The following HPSE2 variants were observed in gnomAD, a reference collection of about 807,000 sequenced individuals.
HPSE2 encodes the protein inactive heparanase-2.
HPSE2 carries 38 observed loss-of-function variants against 60.5 expected under a neutral mutation model. That is an observed-to-expected ratio of 0.63 (90% CI 0.48 to 0.82). The LOEUF (loss-of-function observed/expected upper bound fraction) is 0.82. Ranked by LOEUF, HPSE2 falls within the 40% of genes least tolerant of loss-of-function variation. HPSE2 has a pLI of 0.00. For missense variants in HPSE2, 713 were observed against 740.4 expected, an observed-to-expected ratio of 0.96 and a Z score of 0.43; for synonymous variants, 295 against 293.2, an observed-to-expected ratio of 1.01 and a Z score of -0.06.
chr10:98,489,000 G>T (rs1242190725), intron 10 of HPSE2, among the ~76,000 whole-genome samples: 1 of 152,118 alleles, frequency 6.6e-6, no homozygotes, highest in African/African-American at 2.4e-5. Context: ...GGAAGCAGAA[G>T]GAGCATCTGT....
At chr10:98,725,939 C>T (rs1949065342) in intron 4 of HPSE2, among the ~76,000 whole-genome samples, 1 of 152,286 alleles carries the variant, frequency 6.6e-6, no homozygotes, top group Admixed American at 6.5e-5. Context: ...CAATGAGATA[C>T]CATCTCTCAC....
chr10:99,167,353 G>A (rs7900370), intron 2 of HPSE2, among the ~76,000 whole-genome samples: 74,113 of 152,002 alleles, frequency 0.49, 20,816 homozygotes, highest in East Asian at 0.65. Context: ...TAATTCCAAG[G>A]TCACACAGAT....
At chr10:98,977,052 C>G (rs781026744) in intron 3 of HPSE2, among the ~76,000 whole-genome samples, 6 of 152,152 alleles carry the variant, frequency 3.9e-5, no homozygotes, top group Non-Finnish European at 8.8e-5. Context: ...TCTAATGAAG[C>G]CTGGACCTGC....
At chr10:99,234,432 G>A (rs1398041955) in intron 1 of HPSE2, among the ~76,000 whole-genome samples, 1 of 152,224 alleles carries the variant, frequency 6.6e-6, no homozygotes, top group East Asian at 1.9e-4. Flanking sequence ...CCTGGCCTCG[G>A]GGCAAAGTGG....
At chr10:99,105,493 G>C (rs1302053130) in intron 3 of HPSE2, among the ~76,000 whole-genome samples, 1 of 148,566 alleles carries the variant, frequency 6.7e-6, no homozygotes, top group Non-Finnish European at 1.5e-5. Context: ...TTATAATCGA[G>C]TTGTAAGAGT....
chr10:99,008,659 T>TC (rs1021433253), intron 3 of HPSE2, among the ~76,000 whole-genome samples: 56 of 152,214 alleles, frequency 3.7e-4, no homozygotes, highest in African/African-American at 1.3e-3. Context: ...CCAATTAGCA[T>TC]CAGATTTCTA....
At chr10:98,984,306 C>T (rs1383858876) in intron 3 of HPSE2, among the ~76,000 whole-genome samples, 2 of 152,278 alleles carry the variant, frequency 1.3e-5, no homozygotes, top group East Asian at 3.9e-4. Flanking sequence ...TCCAGAGGAA[C>T]GATCAGGCAG....
chr10:98,788,806 A>T lies in HPSE2; in HGVS notation c.611-44750T>A, dbSNP rs1252317. On this transcript the variant is annotated intron_variant, in intron 3 of 11. Coordinates refer to ENST00000370552, the MANE Select transcript of HPSE2 (RefSeq NM_021828.5). ...CAATGCCTCGCCCTGCTTCGGCTCG[A>T]GCACGGTGCGCACACACACTGGCCT... is the stretch of plus-strand genomic sequence containing the variant. Among the ~76,000 whole-genome samples, 16 of 149,956 alleles carry T rather than the reference A, an allele frequency of 1.1e-4. No individual in the cohort carries two copies. In the East Asian group the frequency reaches 2.6e-3, roughly 25 times the overall value.
chr10:99,278,372 C>T, the HPSE2 span, among the ~76,000 whole-genome samples: 2 of 152,116 alleles, frequency 1.3e-5, no homozygotes, highest in South Asian at 2.1e-4. Flanking sequence ...TCACCAGGGT[C>T]TCAAATTCCT....
At chr10:99,219,542 A>G (rs1322255849) in intron 2 of HPSE2, among the ~76,000 whole-genome samples, 1 of 152,192 alleles carries the variant, frequency 6.6e-6, no homozygotes, top group African/African-American at 2.4e-5. Context: ...AGTTCACTTC[A>G]GTGGAGTGGA....
At chr10:98,610,691 A>G (rs1390384489) in intron 9 of HPSE2, among the ~76,000 whole-genome samples, 1 of 152,224 alleles carries the variant, frequency 6.6e-6, no homozygotes, top group African/African-American at 2.4e-5. Flanking sequence ...TTCCAAATAG[A>G]GGACTAAATT....
intron 9 of HPSE2, among the ~76,000 whole-genome samples, chr10:98,590,143 T>C (rs1179813938): frequency 6.6e-6 from 1 of 152,192 alleles, no homozygotes; most frequent in African/African-American, 2.4e-5. Flanking sequence ...AAAGCCTTAG[T>C]CATAAAAGAT....
At position 98,936,747 on chromosome 10, in the gene HPSE2, G is replaced by A. The variant is rs1465492262; in HGVS notation, c.611-192691C>T. Among the ~76,000 whole-genome samples, 10 of 142,536 alleles carry A rather than the reference G, an allele frequency of 7.0e-5. 1 individual carries two copies. The South Asian group carries it at 8.5e-4, about 12-fold the overall frequency. 93.5% of individuals were successfully genotyped at this position (142,536 alleles called of 152,430 possible). On this transcript the variant is annotated intron_variant, in intron 3 of 11. Coordinates refer to ENST00000370552, the MANE Select transcript of HPSE2 (RefSeq NM_021828.5). ...TGTAATCCCAGCACTTTGGGAGGCCGAGGTGGGTGGATTATGAGGTCAGAA... is the reference window on the plus strand; with the variant it reads ...TGTAATCCCAGCACTTTGGGAGGCCAAGGTGGGTGGATTATGAGGTCAGAA...
At chr10:98,706,856 G>C (rs181067230) in intron 5 of HPSE2, among the ~76,000 whole-genome samples, 1 of 152,112 alleles carries the variant, frequency 6.6e-6, no homozygotes, top group Non-Finnish European at 1.5e-5. Flanking sequence ...TTAACAACAA[G>C]GTACAAGTCC....
At chr10:99,030,371 T>C (rs1957473148) in intron 3 of HPSE2, among the ~76,000 whole-genome samples, 1 of 152,172 alleles carries the variant, frequency 6.6e-6, no homozygotes, top group African/African-American at 2.4e-5. Context: ...GATATACAAA[T>C]GGCATACAGG....
intron 11 of HPSE2, among the ~76,000 whole-genome samples, chr10:98,468,455 C>G (rs1280007084): frequency 6.6e-6 from 1 of 152,014 alleles, no homozygotes; most frequent in Non-Finnish European, 1.5e-5. Context: ...ACCTGGAATC[C>G]GGTGGAATCT....
intron 5 of HPSE2, among the ~76,000 whole-genome samples, chr10:98,709,942 G>A (rs1378304813): frequency 6.6e-6 from 1 of 152,164 alleles, no homozygotes; most frequent in Non-Finnish European, 1.5e-5. Flanking sequence ...ATATCTAACT[G>A]AGTACATACT....
chr10:98,763,463 G>A (rs1950051248), intron 3 of HPSE2, among the ~76,000 whole-genome samples: 1 of 151,838 alleles, frequency 6.6e-6, no homozygotes, highest in African/African-American at 2.4e-5. Context: ...AAAATAGCCA[G>A]AGAAAAGCAA....
intron 3 of HPSE2, among the ~76,000 whole-genome samples, chr10:98,983,036 T>A (rs1377970233): frequency 6.6e-6 from 1 of 152,204 alleles, no homozygotes; most frequent in Non-Finnish European, 1.5e-5. Flanking sequence ...ATTTACTGGC[T>A]ACTATTAAAT....
Sources: gnomAD v4.1 joint callset for allele counts (sites outside exome capture counted in the v4.1 genomes callset) on GRCh38, gnomAD v4.1.1 for gene constraint, MANE v1.5 for transcripts, NCBI Gene and HGNC (gene_info 2026-07-23, HGNC 2026-07-21) for gene names.